Variants in ASXL3 observed in about 807,000 individuals in gnomAD.
The protein encoded by ASXL3 is putative Polycomb group protein ASXL3.
A neutral mutation model predicts 170.6 loss-of-function variants in ASXL3; 34 were observed. The ratio of observed to expected loss-of-function variants is 0.20; its 90% CI spans 0.15 to 0.27. ASXL3 has a LOEUF of 0.27. ASXL3 is among the 10% of genes least tolerant of loss of function. ASXL3 has a pLI of 1.00. For missense variants in ASXL3, 2,592 were observed against 2,695.3 expected (o/e 0.96, Z 0.85); for synonymous variants, 1,002 against 989.1 (o/e 1.01, Z -0.24).
At chr18:33,728,967 A>T (rs2067396271) in intron 8 of ASXL3, among the ~76,000 whole-genome samples, 1 of 152,282 alleles carries the variant, frequency 6.6e-6, no homozygotes, top group South Asian at 2.1e-4. Flanking sequence ...ATACATATGC[A>T]TGAGTAAACT....
chr18:33,629,667 C>T (rs970737506), intron 2 of ASXL3, among the ~76,000 whole-genome samples: 3 of 151,974 alleles, frequency 2.0e-5, no homozygotes, highest in African/African-American at 7.2e-5. Flanking sequence ...TGGAGAGTCT[C>T]TGTGTGTCTG....
rs766950276 is a variant in ASXL3, at chr18:33,745,873, A to G, written c.6025A>G (p.Met2009Val). Residue 2009 changes from methionine (M) to valine (V), a missense_variant, in exon 12 of 12, where the codon ATG becomes GTG. Coordinates refer to ENST00000269197, the MANE Select transcript of ASXL3 (RefSeq NM_030632.3). ...GDEVGGTAHT[M>V]PNKALVHPPP... ...TGAGGTGGGAGGCACTGCACACACA[A>G]TGCCAAACAAAGCACTAGTACATCC... 6.2e-7 allele frequency: 1 copy of G among 1,613,586 alleles called. No individual in the cohort carries two copies. Among genetic ancestry groups the G allele is most frequent in the Non-Finnish European group, 8.5e-7 (1 of 1,179,842 alleles).
chr18:33,590,664 A>G (rs1313979641), intron 1 of ASXL3, among the ~76,000 whole-genome samples: 1 of 152,154 alleles, frequency 6.6e-6, no homozygotes, highest in Non-Finnish European at 1.5e-5. Flanking sequence ...TACACTAAAT[A>G]TATGTTAAAG....
chr18:33,747,362 A>G lies in ASXL3; in HGVS notation c.*767A>G, dbSNP rs2067813074. 1 of 151,972 alleles carries G rather than the reference A, an allele frequency of 6.6e-6. No individual in the cohort carries two copies. Among genetic ancestry groups the G allele is most frequent in the African/African-American group, 2.4e-5 (1 of 41,354 alleles). The allele number at this position is 151,972 out of a possible 1,614,324, so 9.4% of individuals were successfully genotyped here. Reference sequence around the variant, plus strand: ...GAGAGCAATTGGCCAGCCAATAGCCATAAGCCCAGAGGATTTTAGAGCTTC... The same window carrying G: ...GAGAGCAATTGGCCAGCCAATAGCCGTAAGCCCAGAGGATTTTAGAGCTTC... On this transcript the variant is annotated 3_prime_UTR_variant, in exon 12 of 12. Transcript: ENST00000269197.
chr18:33,653,067 T>A (rs2066028048), intron 4 of ASXL3, among the ~76,000 whole-genome samples: 1 of 151,876 alleles, frequency 6.6e-6, no homozygotes, highest in African/African-American at 2.4e-5. Context: ...GTGTTTTGAG[T>A]AACTTTGGAA....
chr18:33,651,711 A>G (rs1476961183), intron 4 of ASXL3, among the ~76,000 whole-genome samples: 1 of 152,118 alleles, frequency 6.6e-6, no homozygotes, highest in Non-Finnish European at 1.5e-5. Context: ...TTTGAGAAGA[A>G]AGTATTTTGT....
At chr18:33,703,157 C>T (rs913225911) in intron 8 of ASXL3, among the ~76,000 whole-genome samples, 2 of 152,032 alleles carry the variant, frequency 1.3e-5, no homozygotes, top group Non-Finnish European at 2.9e-5. Context: ...CTACCAGTCT[C>T]CTCTTAATTG....
At chr18:33,704,826 G>A (rs2066931744) in intron 8 of ASXL3, among the ~76,000 whole-genome samples, 1 of 151,886 alleles carries the variant, frequency 6.6e-6, no homozygotes, top group South Asian at 2.1e-4. Context: ...TAAATAAATG[G>A]TGAGTATAGA....
intron 8 of ASXL3, among the ~76,000 whole-genome samples, chr18:33,689,881 C>T (rs1204243782): frequency 2.6e-5 from 4 of 152,228 alleles, no homozygotes; most frequent in South Asian, 2.1e-4. Flanking sequence ...CACAGACACA[C>T]GTGTGTGTGC....
chr18:33,705,988 G>T (rs1162399345), intron 8 of ASXL3, among the ~76,000 whole-genome samples: 1 of 151,598 alleles, frequency 6.6e-6, no homozygotes, highest in Non-Finnish European at 1.5e-5. Context: ...TTTATATACT[G>T]GAATCATTCA....
At chr18:33,581,240 A>G (rs1486649099) in intron 1 of ASXL3, among the ~76,000 whole-genome samples, 1 of 152,202 alleles carries the variant, frequency 6.6e-6, no homozygotes, top group Non-Finnish European at 1.5e-5. Context: ...TTCATATTAC[A>G]CAATGCTTCT....
chr18:33,704,094 C>A (rs1376524148), intron 8 of ASXL3, among the ~76,000 whole-genome samples: 1 of 152,104 alleles, frequency 6.6e-6, no homozygotes, highest in African/African-American at 2.4e-5. Context: ...CAAAAAGTGA[C>A]ATATTAGTAG....
intron 2 of ASXL3, among the ~76,000 whole-genome samples, chr18:33,620,051 C>T (rs2065485460): frequency 6.6e-6 from 1 of 152,062 alleles, no homozygotes; most frequent in African/African-American, 2.4e-5. Flanking sequence ...TTATCATGAC[C>T]ACTTGTTCAT....
chr18:33,683,541 G>T lies in ASXL3; in HGVS notation c.852G>T (p.Leu284=). 1 of 1,612,888 alleles carries T rather than the reference G, an allele frequency of 6.2e-7. No individual in the cohort carries two copies. ...SLPQHFQQYL[L]LLLPEVDRQM... ...CTCAGCATTTTCAACAATACCTCCT[G>T]CTTTTGCTCCCAGAAGTGGATAGGC... Residue 284 remains leucine (L), a synonymous_variant, in exon 8 of 12, where the codon CTG becomes CTT. Coordinates refer to ENST00000269197, the MANE Select transcript of ASXL3 (RefSeq NM_030632.3).
intron 10 of ASXL3, among the ~76,000 whole-genome samples, chr18:33,735,335 A>G (rs1455760929): frequency 6.6e-6 from 1 of 152,222 alleles, no homozygotes; most frequent in African/African-American, 2.4e-5. Context: ...ACTGCTTGGA[A>G]TAGGGTGCTC....
intron 8 of ASXL3, among the ~76,000 whole-genome samples, chr18:33,712,611 T>C (rs563569003): frequency 6.6e-6 from 1 of 152,324 alleles, no homozygotes; most frequent in African/African-American, 2.4e-5. Flanking sequence ...ACTTTTTAGC[T>C]ACCCCAATTT....
chr18:33,642,445 G>A (rs914811826), intron 2 of ASXL3, among the ~76,000 whole-genome samples: 10 of 151,860 alleles, frequency 6.6e-5, no homozygotes, highest in Non-Finnish European at 1.0e-4. Context: ...AATGAAACTC[G>A]TGTGCTTAAA....
At position 33,748,419 on chromosome 18, in the gene ASXL3, T is replaced by A. The variant is rs1381611116; in HGVS notation, c.*1824T>A. The stretch of plus-strand genomic sequence containing the variant: ...ATAGTGAGAGGTACTTTACTTTATC[T>A]TAGAAAGAAAGAAAAGGCCTGCTGC... On this transcript the variant is annotated 3_prime_UTR_variant, in exon 12 of 12. Transcript: ENST00000269197. The A allele has an allele frequency of 2.0e-5, 3 of 152,222 alleles. No individual in the cohort carries two copies. The East Asian group carries it at 5.8e-4, about 29-fold the overall frequency. 9.4% of individuals were successfully genotyped at this position (152,222 alleles called of 1,614,324 possible). A position where few individuals can be genotyped will look rare whatever the true frequency, so the allele number is the denominator to read the frequency against.
chr18:33,611,144 T>C (rs1007490870), intron 2 of ASXL3, among the ~76,000 whole-genome samples: 8 of 152,222 alleles, frequency 5.3e-5, no homozygotes, highest in Admixed American at 2.6e-4. Flanking sequence ...ATGATAAAGA[T>C]AGGACAACTT....
Sources: allele counts gnomAD v4.1 joint callset (sites outside exome capture counted in the v4.1 genomes callset), GRCh38; gene constraint gnomAD v4.1.1; transcripts MANE v1.5; gene names NCBI Gene and HGNC (gene_info 2026-07-23, HGNC 2026-07-21).